MMEL1: variants seen among roughly 807,000 people sequenced by gnomAD.
MMEL1 encodes membrane metallo-endopeptidase-like 1.
A neutral mutation model predicts 117.1 loss-of-function variants in MMEL1; 98 were observed. That is an observed-to-expected ratio of 0.84 (90% CI 0.71 to 0.99). The LOEUF is 0.99. Among genes scored for constraint, MMEL1 ranks in the 50% least tolerant of loss-of-function variants. MMEL1 has a pLI of 0.00. For missense variants in MMEL1, 1,014 were observed against 1,049.1 expected (o/e 0.97, Z 0.46); for synonymous variants, 390 against 415.1 (o/e 0.94, Z 0.74).
intron 3 of MMEL1, among the ~76,000 whole-genome samples, chr1:2,611,716 C>T (rs957296194): frequency 2.6e-5 from 4 of 152,142 alleles, no homozygotes; most frequent in Admixed American, 2.6e-4. Context: ...CCTCCATGTA[C>T]CCCCACAGCT....
Position 2,629,502 on chromosome 1 carries a change from G to C in MMEL1, c.-18C>G. 6.8e-7 allele frequency: 1 copy of C among 1,461,946 alleles called. No homozygotes were observed. The highest frequency in any genetic ancestry group is 9.1e-7 in the Non-Finnish European group (1 of 1,104,198). The allele number at this position is 1,461,946 out of a possible 1,614,324, so 90.6% of individuals were successfully genotyped here. On this transcript the variant is annotated 5_prime_UTR_variant, in exon 2 of 24. Transcript: ENST00000378412. ...TTCCCCATCAGCAGGGCTCTGGACG[G>C]GAGAGCACCGCGGAGGAACCTGCAG...
intron 19 of MMEL1, 84 bp from the exon 20 acceptor site, chr1:2,593,050 C>G (rs1178124752): frequency 1.3e-6 from 2 of 1,521,886 alleles, no homozygotes; most frequent in African/African-American, 2.7e-5. Context: ...CCTGGCCGCT[C>G]CTGCCCCTCC....
At chr1:2,631,501 C>T (rs557688376) in intron 1 of MMEL1, among the ~76,000 whole-genome samples, 13 of 152,094 alleles carry the variant, frequency 8.5e-5, no homozygotes, top group African/African-American at 3.1e-4. Context: ...GGTGGCTGGG[C>T]CAGCTCATTT....
chr1:2,624,545 A>C (rs1235188882), intron 2 of MMEL1, among the ~76,000 whole-genome samples: 3 of 152,214 alleles, frequency 2.0e-5, no homozygotes, highest in Non-Finnish European at 4.4e-5. Flanking sequence ...AAAAATTTAA[A>C]CACTATTCAT....
At chr1:2,619,943 T>C (rs1570705386) in intron 2 of MMEL1, among the ~76,000 whole-genome samples, 1 of 151,986 alleles carries the variant, frequency 6.6e-6, no homozygotes, top group African/African-American at 2.4e-5. Context: ...GTGGGAAAAA[T>C]GGAGCAGATA....
Position 2,609,666 on chromosome 1 carries a change from C to G in MMEL1, c.454+4G>C. On this transcript the variant is annotated splice_donor_region_variant and intron_variant, in intron 5 of 23. Transcript: ENST00000378412. The stretch of plus-strand genomic sequence containing the variant: ...CCACTGCACCCCCGGCCGTGCTCTG[C>G]CACCTTTGAGGATGACCTCCAGCTC... 6.2e-7 allele frequency: 1 copy of G among 1,604,984 alleles called. No homozygotes were observed. Among genetic ancestry groups the G allele is most frequent in the East Asian group, 2.2e-5 (1 of 44,822 alleles).
chr1:2,618,612 C>T (rs1324259720), intron 2 of MMEL1, among the ~76,000 whole-genome samples: 2 of 152,126 alleles, frequency 1.3e-5, no homozygotes, highest in Non-Finnish European at 2.9e-5. Flanking sequence ...ATGCCATTGC[C>T]GAGTTTACAG....
chr1:2,604,075 C>A (rs1456877475), intron 10 of MMEL1, 72 bp downstream of exon 10: 2 of 1,572,192 alleles, frequency 1.3e-6, no homozygotes, highest in Non-Finnish European at 1.7e-6. Flanking sequence ...ACCCCCTCAC[C>A]TTGGCCAGCC....
At position 2,595,092 on chromosome 1, in the gene MMEL1, A is replaced by G. The variant is rs1049908407; in HGVS notation, c.1584+184T>C. On this transcript the variant is annotated intron_variant, in intron 16 of 23. Coordinates refer to ENST00000378412, the MANE Select transcript of MMEL1 (RefSeq NM_033467.4). This position sits in a 1 kb window ranked among gnomAD's most constrained non-coding sequence, Gnocchi z 4.8. ...CTCTGAGCAAGTCCCTCGTCCCTCC[A>G]GGCCTCAGTTTCCCCATCTGTACAC... Among the ~76,000 whole-genome samples, 4 of 152,124 alleles carry G rather than the reference A, an allele frequency of 2.6e-5. No individual in the cohort carries two copies. The highest frequency in any genetic ancestry group is 2.0e-4 in the Admixed American group (3 of 15,276).
chr1:2,605,441 A>T, intron 9 of MMEL1, 117 bp downstream of exon 9: 1 of 859,574 alleles, frequency 1.2e-6, no homozygotes, highest in Non-Finnish European at 1.9e-6. Context: ...CAACCTCCAC[A>T]GGTGCTCACT....
chr1:2,607,318 G>T (rs998849849), intron 6 of MMEL1, among the ~76,000 whole-genome samples: 3 of 152,188 alleles, frequency 2.0e-5, no homozygotes, highest in Admixed American at 1.3e-4. Context: ...AGACCTGGGG[G>T]CTGAGAAAAG....
intron 17 of MMEL1, 56 bp from the exon 18 acceptor site, chr1:2,594,499 GCTCT>G: frequency 6.5e-7 from 1 of 1,535,744 alleles, no homozygotes; most frequent in Middle Eastern, 1.7e-4. Context: ...CTCCCTCTGG[GCTCT>G]CTCTGCCTTG....
Position 2,591,091 on chromosome 1 carries a change from TGTGG to T in MMEL1, c.2241-6_2241-3del, listed in dbSNP as rs756544060. 3.3e-5 allele frequency: 51 copies of T among 1,567,480 alleles called. No homozygotes were observed. In the South Asian group the frequency reaches 3.5e-4, roughly 11 times the overall value. On this transcript the variant is annotated splice_polypyrimidine_tract_variant and splice_region_variant and intron_variant, in intron 23 of 23. Coordinates refer to ENST00000378412, the MANE Select transcript of MMEL1 (RefSeq NM_033467.4). Reference sequence around the variant, plus strand: ...AGGTTCTGCAGCGACCCCAGTACCCTGTGGGTGGGTGGGTGTGACAGCAGGAGCA... The same window carrying T: ...AGGTTCTGCAGCGACCCCAGTACCCTGTGGGTGGGTGTGACAGCAGGAGCA...
Position 2,594,433 on chromosome 1 carries a change from C to G in MMEL1, c.1699G>C (p.Gly567Arg), listed in dbSNP as rs900832468. 1.3e-6 allele frequency: 2 copies of G among 1,551,506 alleles called. No individual in the cohort carries two copies. Among genetic ancestry groups the G allele is most frequent in the Admixed American group, 2.0e-5 (1 of 51,010 alleles). ...EKVDPNLWII[G>R]AAVVNAFYSP... ...TAGAACGCATTGACCACCGCCGCCC[C>G]GATGATCCAGCTGTGATAGACAAGC... Residue 567 changes from glycine (G) to arginine (R), a missense_variant, in exon 18 of 24, where the codon GGG (glycine) becomes CGG (arginine). Coordinates refer to ENST00000378412, the MANE Select transcript of MMEL1 (RefSeq NM_033467.4).
chr1:2,605,685 G>C, intron 8 of MMEL1, 62 bp from the exon 9 acceptor site: 12 of 1,270,046 alleles, frequency 9.4e-6, no homozygotes, highest in African/African-American at 1.5e-5. Context: ...CCTGGCTGAG[G>C]CAGGCTGCAG....
intron 11 of MMEL1, among the ~76,000 whole-genome samples, chr1:2,600,270 A>G (rs886987922): frequency 2.0e-5 from 3 of 151,960 alleles, no homozygotes; most frequent in Non-Finnish European, 4.4e-5. Flanking sequence ...GCCTGGCCAA[A>G]CATAAAATTT....
At position 2,592,822 on chromosome 1, in the gene MMEL1, G is replaced by A. The variant is rs779726740; in HGVS notation, c.2001+11C>T. 6.2e-7 allele frequency: 1 copy of A among 1,613,342 alleles called. No individual in the cohort carries two copies. The highest frequency in any genetic ancestry group is 1.1e-5 in the South Asian group (1 of 91,048). On this transcript the variant is annotated intron_variant, in intron 20 of 23. Transcript: ENST00000378412. ...TACCCCCGCAGCCTGGGTGCTGGTG[G>A]CAGCGCTCACGTTCTGTTCGTCTGC...
At chr1:2,601,369 G>A (rs974598410) in intron 11 of MMEL1, among the ~76,000 whole-genome samples, 1 of 151,964 alleles carries the variant, frequency 6.6e-6, no homozygotes, top group African/African-American at 2.4e-5. Context: ...GCTCACAGGG[G>A]GCTCTTTTTA....
Position 2,615,007 on chromosome 1 carries a change from C to T in MMEL1, c.155-2803G>A, listed in dbSNP as rs150616923. Among the ~76,000 whole-genome samples the T allele has an allele frequency of 1.3e-3, 196 of 152,114 alleles. 1 individual carries two copies. The highest frequency in any genetic ancestry group is 4.4e-3 in the African/African-American group (184 of 41,458). ...CAGAGTTAGAACAATTTGAGCAATG[C>T]AATATAGCAGTGGATTATAATGCAA... On this transcript the variant is annotated intron_variant, in intron 2 of 23. Transcript: ENST00000378412.
Sources: gnomAD v4.1 joint callset for allele counts (sites outside exome capture counted in the v4.1 genomes callset) on GRCh38, gnomAD v4.1.1 for gene constraint, Gnocchi (gnomAD v3.1) non-coding constraint, MANE v1.5 for transcripts, NCBI Gene and HGNC (gene_info 2026-07-23, HGNC 2026-07-21) for gene names.